The following ZMIZ1 variants were observed in gnomAD, a reference collection of about 807,000 sequenced individuals.
The protein encoded by ZMIZ1 is zinc finger MIZ domain-containing protein 1.
A neutral mutation model predicts 113.9 loss-of-function variants in ZMIZ1; 17 were observed. The observed-to-expected ratio is 0.15, with a 90% CI of 0.10 to 0.22. ZMIZ1 has a LOEUF of 0.22. Among genes scored for constraint, ZMIZ1 ranks in the 10% least tolerant of loss-of-function variants. The probability of loss-of-function intolerance (pLI) is 1.00; values close to 1 mark genes in which losing one functional copy is unlikely to be tolerated. For synonymous variants in ZMIZ1, 607 were observed against 603.1 expected, an observed-to-expected ratio of 1.01 and a Z score of -0.09; for missense variants, 1,059 against 1,477.8, an observed-to-expected ratio of 0.72 and a Z score of 4.65.
At chr10:79,173,828 G>A (rs955555896) in intron 4 of ZMIZ1, among the ~76,000 whole-genome samples, 3 of 152,324 alleles carry the variant, frequency 2.0e-5, no homozygotes, top group African/African-American at 7.2e-5. Flanking sequence ...TGATCACACA[G>A]CCACTGGGAG....
chr10:79,273,457 G>C (rs1279682970), intron 7 of ZMIZ1, among the ~76,000 whole-genome samples: 1 of 152,176 alleles, frequency 6.6e-6, no homozygotes, highest in East Asian at 1.9e-4. Flanking sequence ...CACCTCCCGA[G>C]GTCAAGCAAT....
chr10:79,126,097 T>C (rs1844497608), intron 2 of ZMIZ1, among the ~76,000 whole-genome samples: 1 of 152,192 alleles, frequency 6.6e-6, no homozygotes, highest in Admixed American at 6.5e-5. Flanking sequence ...GCATTTGTGT[T>C]CTGCCTCCTG....
At chr10:79,202,197 AAAAAAAAAAAAAAAAAAG>A (rs1848120690) in intron 5 of ZMIZ1, among the ~76,000 whole-genome samples, 2 of 139,830 alleles carry the variant, frequency 1.4e-5, no homozygotes, top group Admixed American at 7.1e-5. Flanking sequence ...CAGAAAAAAA[AAAAAAAAAAAAAAAAAAG>A]AAAGAAAGAA....
chr10:79,282,411 C>T (rs955584378), intron 8 of ZMIZ1, among the ~76,000 whole-genome samples: 1 of 152,176 alleles, frequency 6.6e-6, no homozygotes, highest in Non-Finnish European at 1.5e-5. Flanking sequence ...TCTGAAGGCT[C>T]TGAGGACGAA....
At chr10:79,166,367 C>T (rs1257967838) in intron 4 of ZMIZ1, among the ~76,000 whole-genome samples, 1 of 152,264 alleles carries the variant, frequency 6.6e-6, no homozygotes, top group East Asian at 1.9e-4. Flanking sequence ...CACTCCCTCC[C>T]ACCCTGCTCT....
chr10:79,304,542 T>G (rs1854552354), intron 19 of ZMIZ1, among the ~76,000 whole-genome samples: 1 of 152,214 alleles, frequency 6.6e-6, no homozygotes, highest in Non-Finnish European at 1.5e-5. Context: ...GAAGTAGCCC[T>G]GGCGTGAGTG....
chr10:79,139,423 A>G lies in ZMIZ1; in HGVS notation c.-226-259A>G, dbSNP rs1347464049. On this transcript the variant is annotated intron_variant, in intron 2 of 24. Coordinates refer to ENST00000334512, the MANE Select transcript of ZMIZ1 (RefSeq NM_020338.4). The stretch of plus-strand genomic sequence containing the variant: ...CTACTAAGAAGAGAAAGACAACACA[A>G]AGTCCCCAGTCCTGGAAGAAACAAA... Among the ~76,000 whole-genome samples the G allele has an allele frequency of 2.6e-5, 4 of 152,224 alleles. No individual in the cohort carries two copies. In the East Asian group the frequency reaches 7.7e-4, roughly 29 times the overall value.
intron 8 of ZMIZ1, chr10:79,285,502 C>T: frequency 4.4e-6 from 2 of 456,092 alleles, no homozygotes; most frequent in South Asian, 3.1e-5. Context: ...CATCGCTTCC[C>T]TCTGTGTCCT....
intron 7 of ZMIZ1, among the ~76,000 whole-genome samples, chr10:79,235,049 GCAGGCCCTGATTTCAACAT>G (rs1254614060): frequency 1.3e-5 from 2 of 152,374 alleles, no homozygotes; most frequent in Middle Eastern, 3.4e-3. Flanking sequence ...GCTCAGCTCT[GCAGGCCCTGATTTCAACAT>G]CAGGCCTCCC....
chr10:79,104,490 G>A (rs73296141), intron 1 of ZMIZ1, among the ~76,000 whole-genome samples: 1,778 of 152,290 alleles, frequency 0.012, 34 homozygotes, highest in African/African-American at 0.04. Context: ...CTGCAAAATG[G>A]GTACAATAGA....
intron 1 of ZMIZ1, among the ~76,000 whole-genome samples, chr10:79,071,427 C>T (rs1415845): frequency 0.068 from 10,429 of 152,266 alleles, 686 homozygotes; most frequent in East Asian, 0.3. Flanking sequence ...AGGCAGGCGC[C>T]GGGGCTGGAG....
chr10:79,138,298 C>T (rs1049966407), intron 2 of ZMIZ1, among the ~76,000 whole-genome samples: 6 of 152,338 alleles, frequency 3.9e-5, no homozygotes, highest in African/African-American at 1.2e-4. Flanking sequence ...GAATGTTCTG[C>T]GCCTCCAGAT....
intron 2 of ZMIZ1, among the ~76,000 whole-genome samples, chr10:79,129,476 C>A (rs1445982873): frequency 6.6e-6 from 1 of 152,190 alleles, no homozygotes; most frequent in Non-Finnish European, 1.5e-5. Context: ...GGCCCCTTCC[C>A]ACACCTCATA....
intron 1 of ZMIZ1, among the ~76,000 whole-genome samples, chr10:79,088,107 CCTT>C (rs1453179024): frequency 2.0e-5 from 3 of 152,234 alleles, no homozygotes; most frequent in Non-Finnish European, 4.4e-5. Context: ...ACCCCTGGCC[CCTT>C]CTTTTGCCCT....
At chr10:79,206,019 G>A (rs1402283842) in intron 5 of ZMIZ1, among the ~76,000 whole-genome samples, 2 of 151,300 alleles carry the variant, frequency 1.3e-5, no homozygotes, top group Non-Finnish European at 2.9e-5. Flanking sequence ...GAAGTGGGAG[G>A]ATCACTTGAG....
rs778498492 is a variant in ZMIZ1, at chr10:79,306,244, C to G, written c.2568C>G (p.Pro856=). ...KTMSPSQMIM[P]NVMEMIAALG... is the part of the protein sequence containing the mutation. ...TGAGTCCCAGCCAGATGATCATGCC[C>G]AATGTCATGGAGATGATCGCAGCCC... The change falls in exon 22 of 25, where the codon CCC becomes CCG. Residue 856 remains proline (P), a synonymous_variant. Coordinates refer to ENST00000334512, the MANE Select transcript of ZMIZ1 (RefSeq NM_020338.4). 1.9e-6 allele frequency: 3 copies of G among 1,614,182 alleles called. No individual in the cohort carries two copies. Among genetic ancestry groups the G allele is most frequent in the Non-Finnish European group, 2.5e-6 (3 of 1,180,020 alleles).
At chr10:79,179,134 A>G (rs1052306063) in intron 4 of ZMIZ1, among the ~76,000 whole-genome samples, 6 of 152,238 alleles carry the variant, frequency 3.9e-5, no homozygotes, top group African/African-American at 1.4e-4. Context: ...CTAGCACATA[A>G]AACACTTACT....
At chr10:79,152,113 C>T (rs1324648407) in intron 3 of ZMIZ1, among the ~76,000 whole-genome samples, 1 of 152,196 alleles carries the variant, frequency 6.6e-6, no homozygotes, top group African/African-American at 2.4e-5. Flanking sequence ...TCCCCTTCCT[C>T]TTCTCTGAGC....
rs532464043 is a variant in ZMIZ1 at position 79,215,584 on chromosome 10, C to T, written c.175-585C>T. ...AAAGTGCTGGGATTATAGGTGTGAG[C>T]CACCACACCTGGCCTAAATCACTGC... is the stretch of plus-strand genomic sequence containing the variant. On this transcript the variant is annotated intron_variant, in intron 6 of 24. Coordinates refer to ENST00000334512, the MANE Select transcript of ZMIZ1 (RefSeq NM_020338.4). Among the ~76,000 whole-genome samples the T allele has an allele frequency of 2.6e-4, 40 of 152,318 alleles. No individual in the cohort carries two copies. The South Asian group carries it at 8.3e-3, about 32-fold the overall frequency.
Sources: allele counts gnomAD v4.1 joint callset (sites outside exome capture counted in the v4.1 genomes callset), GRCh38; gene constraint gnomAD v4.1.1; transcripts MANE v1.5; gene names NCBI Gene and HGNC (gene_info 2026-07-23, HGNC 2026-07-21).